The following SLIT3 variants were observed in gnomAD, a reference collection of about 807,000 sequenced individuals.
SLIT3 encodes slit guidance ligand 3.
SLIT3 carries 68 observed loss-of-function variants against 184.0 expected under a neutral mutation model. The observed-to-expected ratio is 0.37, with a 90% CI of 0.30 to 0.45. The LOEUF is 0.45. SLIT3 is among the 20% of genes least tolerant of loss of function. SLIT3 has a pLI of 1.00. For synonymous variants in SLIT3, 831 were observed against 828.6 expected, an observed-to-expected ratio of 1.00 and a Z score of -0.05; for missense variants, 1,707 against 2,026.0, an observed-to-expected ratio of 0.84 and a Z score of 3.02.
intron 1 of SLIT3, among the ~76,000 whole-genome samples, chr5:169,294,346 A>G (rs1255589389): frequency 6.6e-6 from 1 of 152,186 alleles, no homozygotes; most frequent in Non-Finnish European, 1.5e-5. Context: ...CCTTATTTAA[A>G]TATACCACAA....
chr5:169,147,621 A>G (rs1761969189), intron 4 of SLIT3, among the ~76,000 whole-genome samples: 1 of 152,190 alleles, frequency 6.6e-6, no homozygotes, highest in South Asian at 2.1e-4. Context: ...AGGTGGTTTT[A>G]TCCTTAGTAT....
At chr5:168,741,132 T>A (rs1199674036) in intron 20 of SLIT3, among the ~76,000 whole-genome samples, 2 of 152,038 alleles carry the variant, frequency 1.3e-5, no homozygotes, top group African/African-American at 4.8e-5. Flanking sequence ...TAGTTTCAGT[T>A]TTTCTGAGCA....
At chr5:168,927,235 G>A (rs1188059986) in intron 4 of SLIT3, among the ~76,000 whole-genome samples, 1 of 152,146 alleles carries the variant, frequency 6.6e-6, no homozygotes, top group African/African-American at 2.4e-5. Flanking sequence ...GTAGAACCTT[G>A]AGAACGTTAT....
chr5:168,675,867 C>T (rs2113192350), intron 32 of SLIT3, among the ~76,000 whole-genome samples: 1 of 152,262 alleles, frequency 6.6e-6, no homozygotes, highest in Non-Finnish European at 1.5e-5. Context: ...TGCAGGAGCC[C>T]AGGACCCACT....
chr5:169,005,544 G>A (rs1013742927), intron 4 of SLIT3, among the ~76,000 whole-genome samples: 2 of 152,168 alleles, frequency 1.3e-5, no homozygotes, highest in African/African-American at 2.4e-5. Context: ...AATGAGAATG[G>A]AGACAATACA....
chr5:169,261,272 G>T (rs537016753), intron 1 of SLIT3, among the ~76,000 whole-genome samples: 1 of 152,120 alleles, frequency 6.6e-6, no homozygotes, highest in Non-Finnish European at 1.5e-5. Context: ...ATTCAGGTTG[G>T]CATAGGAATA....
intron 7 of SLIT3, among the ~76,000 whole-genome samples, chr5:168,817,665 C>T (rs1180080848): frequency 6.6e-6 from 1 of 152,206 alleles, no homozygotes; most frequent in Non-Finnish European, 1.5e-5. Context: ...CCAAAGGATG[C>T]CTCCGGGGTT....
At chr5:169,095,274 G>A (rs1040879345) in intron 4 of SLIT3, among the ~76,000 whole-genome samples, 2 of 152,136 alleles carry the variant, frequency 1.3e-5, no homozygotes, top group African/African-American at 4.8e-5. Context: ...ATTGCCTAAT[G>A]TTAAAAATAT....
intron 19 of SLIT3, 74 bp downstream of exon 19, chr5:168,749,398 T>A (rs1236952497): frequency 6.5e-7 from 1 of 1,548,500 alleles, no homozygotes; most frequent in East Asian, 2.2e-5. Flanking sequence ...AGGGAGTATC[T>A]GATTGTGCAT....
intron 20 of SLIT3, among the ~76,000 whole-genome samples, chr5:168,735,661 T>TACACACACACACACACACAC (rs150528782): frequency 7.0e-6 from 1 of 142,072 alleles, no homozygotes; most frequent in African/African-American, 2.6e-5. Context: ...GACAGATAGA[T>TACACACACACACACACACAC]ACACACACAC....
At chr5:168,831,302 G>T (rs1401949668) in intron 6 of SLIT3, among the ~76,000 whole-genome samples, 1 of 151,864 alleles carries the variant, frequency 6.6e-6, no homozygotes, top group Admixed American at 6.6e-5. Flanking sequence ...GAGAGAGATT[G>T]GTGGGGGTGG....
At chr5:169,278,737 C>T (rs1415694441) in intron 1 of SLIT3, among the ~76,000 whole-genome samples, 1 of 152,092 alleles carries the variant, frequency 6.6e-6, no homozygotes, top group East Asian at 1.9e-4. Flanking sequence ...ACAAGGAACC[C>T]CTCCGCCATG....
chr5:169,022,514 T>G (rs1756641279), intron 4 of SLIT3, among the ~76,000 whole-genome samples: 1 of 152,228 alleles, frequency 6.6e-6, no homozygotes, highest in South Asian at 2.1e-4. Flanking sequence ...AAAGTCACCT[T>G]TCTTGGATAC....
chr5:169,174,878 T>TA (rs201383103), intron 4 of SLIT3, among the ~76,000 whole-genome samples: 20 of 150,616 alleles, frequency 1.3e-4, no homozygotes, highest in East Asian at 3.9e-4. Flanking sequence ...GACGAATGAT[T>TA]AAAAAAAAAA....
intron 20 of SLIT3, among the ~76,000 whole-genome samples, chr5:168,728,948 C>G (rs1403413400): frequency 1.4e-5 from 2 of 147,022 alleles, no homozygotes; most frequent in East Asian, 2.0e-4. Flanking sequence ...AAAAAAAAAG[C>G]CAACTGAGAA....
intron 4 of SLIT3, among the ~76,000 whole-genome samples, chr5:169,058,428 G>A (rs1045719379): frequency 6.6e-6 from 1 of 152,182 alleles, no homozygotes; most frequent in Non-Finnish European, 1.5e-5. Context: ...AGGTAAGAAC[G>A]CAGGTCAAGG....
intron 3 of SLIT3, among the ~76,000 whole-genome samples, chr5:169,204,681 G>A (rs1055539098): frequency 4.6e-5 from 7 of 152,172 alleles, no homozygotes; most frequent in South Asian, 2.1e-4. Flanking sequence ...GTCAGGGGAC[G>A]GGGGGTGGCA....
chr5:168,811,756 A>G (rs970703261), intron 8 of SLIT3, among the ~76,000 whole-genome samples: 1 of 152,234 alleles, frequency 6.6e-6, no homozygotes, highest in African/African-American at 2.4e-5. Flanking sequence ...ACTCTTATAC[A>G]CTGTTGGTGA....
chr5:168,967,932 C>T lies in SLIT3; in HGVS notation c.414-84596G>A, dbSNP rs78425944. ...AGTAGAGATTTCAGACACTCTCGTA[C>T]CTCCTGCTAGCACTTTCGTGCCTGC... is the stretch of plus-strand genomic sequence containing the variant. On this transcript the variant is annotated intron_variant, in intron 4 of 35. Coordinates refer to ENST00000519560, the MANE Select transcript of SLIT3 (RefSeq NM_003062.4). 6.4e-3 allele frequency among the ~76,000 whole-genome samples: 980 copies of T among 152,304 alleles called. 16 individuals carry two copies. The highest frequency in any genetic ancestry group is 0.023 in the African/African-American group (936 of 41,576).
Sources: gnomAD v4.1 joint callset for allele counts (sites outside exome capture counted in the v4.1 genomes callset) on GRCh38, gnomAD v4.1.1 for gene constraint, MANE v1.5 for transcripts, NCBI Gene and HGNC (gene_info 2026-07-23, HGNC 2026-07-21) for gene names.